KSR1: variants seen among roughly 807,000 people sequenced by gnomAD.
KSR1 encodes kinase suppressor of ras 1, also known as kinase suppressor of ras.
In KSR1, 35 loss-of-function variants were observed where a neutral mutation model predicts 92.9. That is an observed-to-expected ratio of 0.38 (90% CI 0.29 to 0.50). The LOEUF (loss-of-function observed/expected upper bound fraction) is 0.50, where lower values mean the gene tolerates loss of function less well. Ranked by LOEUF, KSR1 falls within the 20% of genes least tolerant of loss-of-function variation. The pLI, the probability that KSR1 is intolerant of heterozygous loss-of-function variation, is 0.94. For synonymous variants in KSR1, 467 were observed against 472.6 expected, an observed-to-expected ratio of 0.99 and a Z score of 0.15; for missense variants, 972 against 1,158.5, an observed-to-expected ratio of 0.84 and a Z score of 2.34.
intron 1 of KSR1, among the ~76,000 whole-genome samples, chr17:27,508,744 T>TATTG (rs2069489332): frequency 1.3e-5 from 2 of 151,556 alleles, no homozygotes; most frequent in South Asian, 4.2e-4. Flanking sequence ...TTTATTTATT[T>TATTG]ATTGAGGTAG....
At chr17:27,500,645 C>A (rs1464489895) in intron 1 of KSR1, among the ~76,000 whole-genome samples, 2 of 152,134 alleles carry the variant, frequency 1.3e-5, no homozygotes, top group Admixed American at 1.3e-4. Flanking sequence ...CTAAAAGTAG[C>A]GTTACGACAA....
intron 1 of KSR1, chr17:27,526,624 G>C: frequency 6.4e-7 from 1 of 1,566,450 alleles, no homozygotes; most frequent in South Asian, 1.1e-5. Context: ...TTCAGTCCTC[G>C]TGCATCTTTT....
intron 2 of KSR1, among the ~76,000 whole-genome samples, chr17:27,552,502 A>G (rs1452219635): frequency 6.6e-6 from 1 of 152,216 alleles, no homozygotes; most frequent in Admixed American, 6.5e-5. Flanking sequence ...AAGTCCTGCA[A>G]GAGAGGCCAG....
chr17:27,603,911 C>T, intron 12 of KSR1, 23 bp downstream of exon 12: 2 of 1,612,468 alleles, frequency 1.2e-6, no homozygotes, highest in Non-Finnish European at 1.7e-6. Flanking sequence ...AGGTGGTGTC[C>T]CCTTCGCTTC....
At chr17:27,479,137 TG>T (rs1218764305) in intron 1 of KSR1, among the ~76,000 whole-genome samples, 4 of 129,086 alleles carry the variant, frequency 3.1e-5, no homozygotes, top group Admixed American at 2.3e-4. Flanking sequence ...TGTCTCCCTG[TG>T]TGCTCCTCCC....
intron 1 of KSR1, among the ~76,000 whole-genome samples, chr17:27,499,058 A>G (rs1567766052): frequency 6.6e-6 from 1 of 152,212 alleles, no homozygotes; most frequent in Non-Finnish European, 1.5e-5. Flanking sequence ...GAGCAGGGCC[A>G]GGAGGGTTAA....
intron 1 of KSR1, among the ~76,000 whole-genome samples, chr17:27,460,726 C>G (rs888571930): frequency 2.0e-5 from 3 of 152,274 alleles, no homozygotes; most frequent in Non-Finnish European, 2.9e-5. Context: ...TGTGGGGGAC[C>G]TGAGCTCTCC....
chr17:27,578,725 T>C (rs996537571), intron 3 of KSR1: 1 of 152,246 alleles, frequency 6.6e-6, no homozygotes, highest in African/African-American at 2.4e-5. Flanking sequence ...TTTTAAAGAA[T>C]TGTGGAAGAG....
chr17:27,533,666 G>T (rs2070637683), intron 1 of KSR1, among the ~76,000 whole-genome samples: 1 of 152,100 alleles, frequency 6.6e-6, no homozygotes, highest in Non-Finnish European at 1.5e-5. Flanking sequence ...ACAGGTGTGA[G>T]CCCCCGCACC....
At chr17:27,617,243 C>CT in intron 18 of KSR1, 52 bp from the exon 19 acceptor site, 1 of 1,557,800 alleles carries the variant, frequency 6.4e-7, no homozygotes, top group South Asian at 1.2e-5. Context: ...CTACTGTGTG[C>CT]CCCCTCCCTC....
chr17:27,480,189 G>T (rs1045805936), intron 1 of KSR1, among the ~76,000 whole-genome samples: 23 of 151,982 alleles, frequency 1.5e-4, no homozygotes, highest in African/African-American at 5.6e-4. Flanking sequence ...ACATCCCCTA[G>T]ATGCCCCCAG....
intron 17 of KSR1, among the ~76,000 whole-genome samples, chr17:27,610,803 T>C (rs1174542155): frequency 1.3e-5 from 2 of 152,222 alleles, no homozygotes; most frequent in Admixed American, 1.3e-4. Context: ...TATTTTATAT[T>C]CTTTTTTCCT....
At chr17:27,512,919 A>G (rs1386455877) in intron 1 of KSR1, among the ~76,000 whole-genome samples, 1 of 152,140 alleles carries the variant, frequency 6.6e-6, no homozygotes, top group East Asian at 1.9e-4. Flanking sequence ...AAGAGAAGGA[A>G]CCCTGCCAGC....
At chr17:27,578,802 A>G (rs1405988617) in intron 3 of KSR1, 1 of 152,270 alleles carries the variant, frequency 6.6e-6, no homozygotes, top group Non-Finnish European at 1.5e-5. Flanking sequence ...CTAGATGCCA[A>G]GAGAGGGAGA....
At chr17:27,529,065 TAATA>T (rs2070431962) in intron 1 of KSR1, among the ~76,000 whole-genome samples, 1 of 152,144 alleles carries the variant, frequency 6.6e-6, no homozygotes, top group Non-Finnish European at 1.5e-5. Flanking sequence ...AAAAAGTAAA[TAATA>T]AAACTTTCCA....
rs768379592 is a variant in KSR1 at position 27,617,285 on chromosome 17, C to T, written c.2494-10C>T. 7 of 1,602,400 alleles carry T rather than the reference C, an allele frequency of 4.4e-6. No individual in the cohort carries two copies. Among genetic ancestry groups the T allele is most frequent in the East Asian group, 2.2e-5 (1 of 44,506 alleles). ...AGCTCACACACCACTAATGGCAGCTCCATTTGCAGGAGATCCTGTCGGCCT... is the reference window on the plus strand; with the variant it reads ...AGCTCACACACCACTAATGGCAGCTTCATTTGCAGGAGATCCTGTCGGCCT... On this transcript the variant is annotated splice_polypyrimidine_tract_variant and intron_variant, in intron 18 of 20. Coordinates refer to ENST00000644974, the MANE Select transcript of KSR1 (RefSeq NM_001394583.1).
chr17:27,592,182 C>T (rs1168322149), intron 7 of KSR1, among the ~76,000 whole-genome samples, 179 bp from the exon 8 acceptor site: 4 of 152,110 alleles, frequency 2.6e-5, no homozygotes, highest in Non-Finnish European at 5.9e-5. Flanking sequence ...AGCATAGTGG[C>T]TCAGTGTAGC....
intron 1 of KSR1, among the ~76,000 whole-genome samples, chr17:27,547,289 A>G (rs2071215304): frequency 6.6e-6 from 1 of 152,242 alleles, no homozygotes; most frequent in African/African-American, 2.4e-5. Context: ...ACATCTCTCT[A>G]GCCACAGGAG....
intron 9 of KSR1, among the ~76,000 whole-genome samples, chr17:27,595,810 C>T (rs762019526): frequency 5.3e-5 from 8 of 151,986 alleles, no homozygotes; most frequent in African/African-American, 1.9e-4. Flanking sequence ...ATGCTGGTGC[C>T]GTTCTCAGGG....
Sources: allele counts gnomAD v4.1 joint callset (sites outside exome capture counted in the v4.1 genomes callset), GRCh38; gene constraint gnomAD v4.1.1; transcripts MANE v1.5; gene names NCBI Gene and HGNC (gene_info 2026-07-23, HGNC 2026-07-21).